The following PCDH15 variants were observed in gnomAD, a reference collection of about 807,000 sequenced individuals.
PCDH15 encodes the protein protocadherin related 15.
In PCDH15, 129 loss-of-function variants were observed where a neutral mutation model predicts 178.5. The observed-to-expected ratio is 0.72, with a 90% CI of 0.63 to 0.84. PCDH15 has a LOEUF of 0.84. Among genes scored for constraint, PCDH15 ranks in the 40% least tolerant of loss-of-function variants. The pLI, the probability that PCDH15 is intolerant of heterozygous loss-of-function variation, is 0.00. For missense variants in PCDH15, 2,230 were observed against 2,099.9 expected (o/e 1.06, Z -1.21); for synonymous variants, 800 against 732.0 (o/e 1.09, Z -1.50).
At chr10:55,002,377 G>A (rs940243444) in intron 2 of PCDH15, among the ~76,000 whole-genome samples, 2 of 152,168 alleles carry the variant, frequency 1.3e-5, no homozygotes, top group African/African-American at 4.8e-5. Context: ...TAATGATGAG[G>A]AAAAGTTAAT....
At chr10:54,811,417 T>G (rs1274002940) in intron 3 of PCDH15, among the ~76,000 whole-genome samples, 1 of 152,274 alleles carries the variant, frequency 6.6e-6, no homozygotes, top group East Asian at 1.9e-4. Flanking sequence ...GGCTGTAAAT[T>G]TTTATGAAAC....
intron 2 of PCDH15, among the ~76,000 whole-genome samples, chr10:55,094,110 C>A (rs528153703): frequency 6.6e-6 from 1 of 152,192 alleles, no homozygotes; most frequent in South Asian, 2.1e-4. Context: ...TATTGTGGCA[C>A]TATTCACAAT....
At chr10:54,579,335 C>G (rs2090814255) in intron 2 of PCDH15, among the ~76,000 whole-genome samples, 1 of 151,920 alleles carries the variant, frequency 6.6e-6, no homozygotes, top group Non-Finnish European at 1.5e-5. Flanking sequence ...AAAAGAACAA[C>G]AGTCACTTGT....
chr10:55,145,175 T>C (rs1367858108), intron 2 of PCDH15, among the ~76,000 whole-genome samples: 7 of 151,978 alleles, frequency 4.6e-5, no homozygotes, highest in African/African-American at 1.7e-4. Context: ...CAATTTATTT[T>C]TCCCTCTAAT....
At chr10:55,600,022 G>C (rs923613363) in intron 2 of PCDH15, 1 of 1,273,526 alleles carries the variant, frequency 7.9e-7, no homozygotes, top group Non-Finnish European at 1.0e-6. Context: ...AATGCAAATA[G>C]ATTCAAACAA....
intron 2 of PCDH15, among the ~76,000 whole-genome samples, chr10:55,333,451 A>G (rs1844267851): frequency 6.6e-6 from 1 of 152,136 alleles, no homozygotes; most frequent in Non-Finnish European, 1.5e-5. Context: ...GGCAGGGAAG[A>G]GACAAGAAAA....
At chr10:54,861,698 G>T (rs983480727) in intron 3 of PCDH15, among the ~76,000 whole-genome samples, 2 of 152,174 alleles carry the variant, frequency 1.3e-5, no homozygotes, top group African/African-American at 4.8e-5. Context: ...GCAAGCCAGA[G>T]CATTCAGGCA....
intron 22 of PCDH15, among the ~76,000 whole-genome samples, chr10:53,960,068 T>C (rs2088129722): frequency 6.6e-6 from 1 of 152,152 alleles, no homozygotes; most frequent in African/African-American, 2.4e-5. Flanking sequence ...TATTTTCACT[T>C]GCTAGATGAG....
At chr10:54,229,218 C>A (rs982755759) in intron 9 of PCDH15, among the ~76,000 whole-genome samples, 1 of 151,846 alleles carries the variant, frequency 6.6e-6, no homozygotes, top group African/African-American at 2.4e-5. Flanking sequence ...CCAGGCAGAC[C>A]GGAAATAAAG....
intron 2 of PCDH15, among the ~76,000 whole-genome samples, chr10:55,092,283 C>G (rs1216532658): frequency 2.6e-5 from 4 of 151,856 alleles, no homozygotes; most frequent in African/African-American, 9.7e-5. Flanking sequence ...AAAAGCAACA[C>G]AGCTTCCAAC....
intron 8 of PCDH15, among the ~76,000 whole-genome samples, chr10:54,283,630 A>G (rs1435626596): frequency 6.6e-6 from 1 of 152,176 alleles, no homozygotes; most frequent in Admixed American, 6.6e-5. Context: ...ACTAATAAAA[A>G]CACAAGAAAG....
At chr10:54,904,991 C>A (rs73259961) in intron 2 of PCDH15, among the ~76,000 whole-genome samples, 1 of 151,632 alleles carries the variant, frequency 6.6e-6, no homozygotes, top group Non-Finnish European at 1.5e-5. Flanking sequence ...TTCTCTATTA[C>A]CTATTTTCGT....
At chr10:54,965,273 C>A (rs1838754023) in intron 2 of PCDH15, among the ~76,000 whole-genome samples, 1 of 152,048 alleles carries the variant, frequency 6.6e-6, no homozygotes. Context: ...ATTGTAGCTC[C>A]CATTATCCAC....
At chr10:55,106,726 A>G (rs1842681511) in intron 2 of PCDH15, among the ~76,000 whole-genome samples, 1 of 152,154 alleles carries the variant, frequency 6.6e-6, no homozygotes, top group South Asian at 2.1e-4. Flanking sequence ...CTATAATAAA[A>G]TGGTCCAAAA....
intron 12 of PCDH15, among the ~76,000 whole-genome samples, chr10:54,184,383 T>G (rs1032531581): frequency 2.2e-5 from 3 of 137,650 alleles, no homozygotes; most frequent in Admixed American, 2.1e-4. Flanking sequence ...AATTAGAAGT[T>G]ACATTTTTTC....
intron 3 of PCDH15, among the ~76,000 whole-genome samples, chr10:54,826,774 T>C (rs1953139067): frequency 6.6e-6 from 1 of 151,986 alleles, no homozygotes; most frequent in South Asian, 2.1e-4. Flanking sequence ...AGTTTCCCAT[T>C]TCCTAAATTA....
At chr10:55,399,788 C>T (rs1277803080) in intron 2 of PCDH15, among the ~76,000 whole-genome samples, 2 of 151,866 alleles carry the variant, frequency 1.3e-5, no homozygotes, top group African/African-American at 2.4e-5. Context: ...AAAGTAAAAT[C>T]CTTTAGTTCC....
At chr10:54,169,354 C>A (rs201258048) in intron 13 of PCDH15, among the ~76,000 whole-genome samples, 48 of 99,366 alleles carry the variant, frequency 4.8e-4, no homozygotes, top group African/African-American at 1.7e-3. Context: ...TCCACATTAC[C>A]TTCTTTTCAA....
intron 3 of PCDH15, among the ~76,000 whole-genome samples, chr10:54,450,964 G>A (rs1432521297): frequency 6.6e-6 from 1 of 151,760 alleles, no homozygotes; most frequent in African/African-American, 2.4e-5. Context: ...TGAATATACA[G>A]AATTCTCTCA....
Sources: allele counts gnomAD v4.1 joint callset (sites outside exome capture counted in the v4.1 genomes callset), GRCh38; gene constraint gnomAD v4.1.1; transcripts MANE v1.5; gene names NCBI Gene and HGNC (gene_info 2026-07-23, HGNC 2026-07-21).